The following TMEM63B variants were observed in gnomAD, a reference collection of about 807,000 sequenced individuals.
TMEM63B encodes transmembrane protein 63B.
In TMEM63B, 23 loss-of-function variants were observed where a neutral mutation model predicts 102.6. The observed-to-expected ratio is 0.22, with a 90% confidence interval of 0.16 to 0.32. The LOEUF is 0.32. Ranked by LOEUF, TMEM63B falls within the 10% of genes least tolerant of loss-of-function variation. The probability of loss-of-function intolerance (pLI) is 1.00; values close to 1 mark genes in which losing one functional copy is unlikely to be tolerated. For synonymous variants in TMEM63B, 444 were observed against 437.0 expected (o/e 1.02, Z -0.20); for missense variants, 628 against 1,095.9 (o/e 0.57, Z 6.03).
At chr6:44,134,836 G>A (rs76590708) in intron 2 of TMEM63B, 93 bp downstream of exon 2, 20 of 1,271,138 alleles carry the variant, frequency 1.6e-5, no homozygotes, top group East Asian at 5.5e-5. Flanking sequence ...CACCTGCCCC[G>A]GTTTCCCAGG....
intron 1 of TMEM63B, among the ~76,000 whole-genome samples, chr6:44,128,264 G>C (rs920442040): frequency 1.4e-4 from 22 of 152,166 alleles, no homozygotes; most frequent in Non-Finnish European, 2.2e-4. Context: ...GGGACTGACT[G>C]GTCGGCGGGC....
At chr6:44,145,451 G>T (rs980033051) in intron 10 of TMEM63B, among the ~76,000 whole-genome samples, 6 of 151,476 alleles carry the variant, frequency 4.0e-5, no homozygotes, top group Non-Finnish European at 8.8e-5. Context: ...AATTAGCCGG[G>T]TGTGGTGGCA....
At chr6:44,151,775 A>G in intron 18 of TMEM63B, 71 bp from the exon 19 acceptor site, 1 of 1,501,838 alleles carries the variant, frequency 6.7e-7, no homozygotes, top group Non-Finnish European at 8.9e-7. Flanking sequence ...TGGGTGCTGT[A>G]GTTCTGGCAG....
intron 5 of TMEM63B, among the ~76,000 whole-genome samples, chr6:44,137,633 C>T (rs1338638644): frequency 2.0e-5 from 3 of 152,104 alleles, no homozygotes; most frequent in Non-Finnish European, 2.9e-5. Context: ...TCTGCGCAGC[C>T]CTCCCCTGAA....
intron 10 of TMEM63B, 96 bp from the exon 11 acceptor site, chr6:44,146,751 A>C: frequency 7.2e-5 from 88 of 1,215,152 alleles, no homozygotes; most frequent in Non-Finnish European, 1.0e-4. Flanking sequence ...ACGTCCAGCC[A>C]GAGATGTGTT....
chr6:44,149,033 GC>G (rs1409981318), intron 15 of TMEM63B, 88 bp downstream of exon 15: 2 of 1,595,176 alleles, frequency 1.3e-6, no homozygotes, highest in African/African-American at 2.7e-5. Flanking sequence ...GCCCAGCCCA[GC>G]CCGTTCTGCT....
chr6:44,151,074 G>T (rs138604914), intron 18 of TMEM63B, among the ~76,000 whole-genome samples: 1 of 152,186 alleles, frequency 6.6e-6, no homozygotes, highest in African/African-American at 2.4e-5. Flanking sequence ...GGTCTCTAGA[G>T]CCCATATTTT....
chr6:44,154,279 A>C, intron 22 of TMEM63B, 86 bp from the exon 23 acceptor site: 2 of 1,596,580 alleles, frequency 1.3e-6, no homozygotes, highest in Non-Finnish European at 1.7e-6. Context: ...GGCTGAGGGC[A>C]GCGCCAACAG....
intron 5 of TMEM63B, among the ~76,000 whole-genome samples, 155 bp downstream of exon 5, chr6:44,136,594 AC>A (rs910262701): frequency 7.4e-4 from 113 of 151,764 alleles, no homozygotes; most frequent in African/African-American, 2.6e-3. Flanking sequence ...CCACAGGATG[AC>A]CCCCCAGGCC....
rs191872389 is a variant in TMEM63B, at chr6:44,139,865, A to G, written c.602+106A>G. The G allele has an allele frequency of 1.2e-3, 1,747 of 1,440,048 alleles. 2 individuals are homozygous for G. The highest frequency in any genetic ancestry group is 1.5e-3 in the Non-Finnish European group (1,491 of 1,026,830). The allele number at this position is 1,440,048 out of a possible 1,614,324, so 89.2% of individuals were successfully genotyped here. A position where few individuals can be genotyped will look rare whatever the true frequency, so the allele number is the denominator to read the frequency against. The stretch of plus-strand genomic sequence containing the variant: ...CTGCGTTGATGGGAGCAGAGCCTAC[A>G]GGGATGGCTATGGGTCCCTGAGGGC... On this transcript the variant is annotated intron_variant, in intron 8 of 23. Transcript: ENST00000323267.
chr6:44,130,146 C>T (rs1298048658), intron 1 of TMEM63B, among the ~76,000 whole-genome samples: 1 of 152,182 alleles, frequency 6.6e-6, no homozygotes, highest in East Asian at 1.9e-4. Flanking sequence ...GCCTCCGGCT[C>T]CCTGGTGGAA....
At chr6:44,131,494 G>A (rs1387086380) in intron 1 of TMEM63B, among the ~76,000 whole-genome samples, 4 of 151,976 alleles carry the variant, frequency 2.6e-5, no homozygotes, top group Non-Finnish European at 4.4e-5. Flanking sequence ...GCCGAGGTGG[G>A]CAGATCATGA....
Position 44,155,138 on chromosome 6 carries a change from C to T in TMEM63B, c.*255C>T, listed in dbSNP as rs1324294740. 3.2e-6 allele frequency: 1 copy of T among 317,446 alleles called. No homozygotes were observed. Among genetic ancestry groups the T allele is most frequent in the East Asian group, 5.2e-5 (1 of 19,086 alleles). The allele number at this position is 317,446 out of a possible 1,614,324, so 19.7% of individuals were successfully genotyped here. ...AGAGGGAGTTCCCCCAGATCAGTAC[C>T]CCCCACCCCTCCCCAGCTAGTAGCA... On this transcript the variant is annotated 3_prime_UTR_variant, in exon 24 of 24. Coordinates refer to ENST00000323267, the MANE Select transcript of TMEM63B (RefSeq NM_018426.3).
At chr6:44,154,658 G>C (rs1350164464) in intron 23 of TMEM63B, 34 bp from the exon 24 acceptor site, 17 of 1,523,288 alleles carry the variant, frequency 1.1e-5, no homozygotes, top group Middle Eastern at 2.5e-4. Context: ...AGGGGCAGCT[G>C]TTCACCTTGC....
rs1390089210 is a variant in TMEM63B, at chr6:44,154,923, C to A, written c.*40C>A. 1 of 1,465,244 alleles carries A rather than the reference C, an allele frequency of 6.8e-7. No individual in the cohort carries two copies. The highest frequency in any genetic ancestry group is 2.5e-5 in the Admixed American group (1 of 40,126). The allele number at this position is 1,465,244 out of a possible 1,614,324, so 90.8% of individuals were successfully genotyped here. A position where few individuals can be genotyped will look rare whatever the true frequency, so the allele number is the denominator to read the frequency against. On this transcript the variant is annotated 3_prime_UTR_variant, in exon 24 of 24. Coordinates refer to ENST00000323267, the MANE Select transcript of TMEM63B (RefSeq NM_018426.3). ...CCTGGAGGCCACATCCTGCCCCACC[C>A]CACCCCCACTCCCACGGACACTAAA...
At position 44,147,444 on chromosome 6, in the gene TMEM63B, A is replaced by G. The variant is rs760779927; in HGVS notation, c.931A>G (p.Ile311Val). 1.2e-6 allele frequency: 2 copies of G among 1,614,120 alleles called. No individual in the cohort carries two copies. The highest frequency in any genetic ancestry group is 2.2e-5 in the East Asian group (1 of 44,870). ...LQSKENVPTM[I>V]NPKPCGHLCC... Reference sequence around the variant, plus strand: ...GAGCAAGGAGAACGTGCCTACCATGATCAACCCCAAGCCCTGTGGCCACCT... The same window carrying G: ...GAGCAAGGAGAACGTGCCTACCATGGTCAACCCCAAGCCCTGTGGCCACCT... The change falls in exon 12 of 24, where the codon ATC becomes GTC. Residue 311 changes from isoleucine (I) to valine (V), a missense_variant. Coordinates refer to ENST00000323267, the MANE Select transcript of TMEM63B (RefSeq NM_018426.3).
Position 44,151,979 on chromosome 6 carries a change from T to G in TMEM63B, c.1807T>G (p.Ser603Ala). 1.2e-6 allele frequency: 2 copies of G among 1,610,420 alleles called. No individual in the cohort carries two copies. The highest frequency in any genetic ancestry group is 1.7e-5 in the Admixed American group (1 of 59,168). The change falls in exon 19 of 24, where the codon TCG becomes GCG. Residue 603 changes from serine (S) to alanine (A), a missense_variant. This residue lies in a region of TMEM63B where 90 missense variants were observed against 136.7 expected (regional missense o/e 0.66). Transcript: ENST00000323267. ...CATGATCCGGCTCTGCCTGGCGCGC[T>G]CGGCCGCCGAGAGGCGCAACGTGAA... ...MYMIRLCLAR[S>A]AAERRNVKRH...
At position 44,152,426 on chromosome 6, in the gene TMEM63B, C is replaced by G. The variant is rs192811459; in HGVS notation, c.1837-167C>G. On this transcript the variant is annotated intron_variant, in intron 19 of 23. Transcript: ENST00000323267. This position sits in a 1 kb window ranked among gnomAD's most constrained non-coding sequence, Gnocchi z 6.4. ...CCTGACCCTCCTCTCGGCCATAGCC[C>G]CTCTCTCCATCTGCTCTGCCCTACC... is the stretch of plus-strand genomic sequence containing the variant. 1.3e-5 allele frequency among the ~76,000 whole-genome samples: 2 copies of G among 152,044 alleles called. No homozygotes were observed. Among genetic ancestry groups the G allele is most frequent in the Non-Finnish European group, 2.9e-5 (2 of 68,002 alleles).
chr6:44,130,905 C>T (rs1320993713), intron 1 of TMEM63B, among the ~76,000 whole-genome samples: 1 of 151,712 alleles, frequency 6.6e-6, no homozygotes, highest in Admixed American at 6.6e-5. Context: ...GGGTGAGCCA[C>T]CCCACCCTGC....
Sources: allele counts gnomAD v4.1 joint callset (sites outside exome capture counted in the v4.1 genomes callset), GRCh38; gene constraint gnomAD v4.1.1; regional missense constraint gnomAD v4.1.1; non-coding constraint Gnocchi (gnomAD v3.1); transcripts MANE v1.5; gene names NCBI Gene and HGNC (gene_info 2026-07-23, HGNC 2026-07-21).